KCND3: variants seen among roughly 807,000 people sequenced by gnomAD.
KCND3 encodes the protein potassium voltage-gated channel subfamily D member 3.
A neutral mutation model predicts 51.1 loss-of-function variants in KCND3; 9 were observed. The observed-to-expected ratio is 0.18, with a 90% CI of 0.11 to 0.31. The LOEUF (loss-of-function observed/expected upper bound fraction) is 0.31, where lower values mean the gene tolerates loss of function less well. Ranked by LOEUF, KCND3 falls within the 10% of genes least tolerant of loss-of-function variation. KCND3 has a pLI of 1.00. For synonymous variants in KCND3, 349 were observed against 368.0 expected, an observed-to-expected ratio of 0.95 and a Z score of 0.59; for missense variants, 526 against 903.8, an observed-to-expected ratio of 0.58 and a Z score of 5.36.
intron 2 of KCND3, among the ~76,000 whole-genome samples, chr1:111,861,989 A>G (rs1253778675): frequency 6.6e-6 from 1 of 152,176 alleles, no homozygotes; most frequent in Non-Finnish European, 1.5e-5. Flanking sequence ...CACAAACTGC[A>G]GCTGCCTGCT....
chr1:111,775,818 G>GTCCC lies in KCND3; in HGVS notation c.*258_*259insGGGA. On this transcript the variant is annotated 3_prime_UTR_variant, in exon 8 of 8. Transcript: ENST00000302127. ...AGCCTATATCCCCCGGCCTATCCCCGACCCCCCCACCCTCCCTCCCTTCCT... is the reference window on the plus strand; with the variant it reads ...AGCCTATATCCCCCGGCCTATCCCCGTCCCACCCCCCCACCCTCCCTCCCTTCCT... The GTCCC allele has an allele frequency of 1.0e-5, 1 of 99,730 alleles. No individual in the cohort carries two copies. The highest frequency in any genetic ancestry group is 1.5e-4 in the Admixed American group (1 of 6,794). The allele number at this position is 99,730 out of a possible 1,614,324, so 6.2% of individuals were successfully genotyped here.
chr1:111,855,236 GC>G (rs1448869104), intron 2 of KCND3, among the ~76,000 whole-genome samples: 2 of 152,164 alleles, frequency 1.3e-5, no homozygotes, highest in Non-Finnish European at 2.9e-5. Flanking sequence ...ATCCTGCAGT[GC>G]CCCAGAATGT....
chr1:111,780,816 G>T lies in KCND3; in HGVS notation c.1270-25C>A. On this transcript the variant is annotated intron_variant, in intron 3 of 7. Transcript: ENST00000302127. This position sits in a 1 kb window ranked among gnomAD's most constrained non-coding sequence, Gnocchi z 4.2. ...TCTGTGATTGGCAGAGATAATAAAAGAATGAGGCAGACCATGATACAAAAA... is the reference window on the plus strand; with the variant it reads ...TCTGTGATTGGCAGAGATAATAAAATAATGAGGCAGACCATGATACAAAAA... 6.4e-7 allele frequency: 1 copy of T among 1,574,382 alleles called. No homozygotes were observed. The highest frequency in any genetic ancestry group is 8.7e-7 in the Non-Finnish European group (1 of 1,149,784).
intron 2 of KCND3, among the ~76,000 whole-genome samples, chr1:111,870,776 CCATT>C (rs1221064994): frequency 6.6e-6 from 1 of 152,196 alleles, no homozygotes; most frequent in Non-Finnish European, 1.5e-5. Context: ...ACCTATCCAT[CCATT>C]CAATCTAACA....
intron 2 of KCND3, among the ~76,000 whole-genome samples, chr1:111,860,722 C>G (rs1668301062): frequency 6.6e-6 from 1 of 152,234 alleles, no homozygotes; most frequent in African/African-American, 2.4e-5. Context: ...CTGTTCTGTC[C>G]TTGCCCATGA....
intron 2 of KCND3, among the ~76,000 whole-genome samples, chr1:111,869,536 G>T (rs1334332537): frequency 6.6e-6 from 1 of 152,120 alleles, no homozygotes; most frequent in Non-Finnish European, 1.5e-5. Context: ...ACAGTCACAG[G>T]GTATTCAAAG....
intron 2 of KCND3, among the ~76,000 whole-genome samples, chr1:111,825,224 G>T (rs772145660): frequency 2.6e-5 from 4 of 152,170 alleles, no homozygotes; most frequent in Non-Finnish European, 4.4e-5. Context: ...GGACTAGGCT[G>T]GTGATCACCG....
At chr1:111,969,985 C>A (rs1215369589) in intron 2 of KCND3, among the ~76,000 whole-genome samples, 2 of 151,996 alleles carry the variant, frequency 1.3e-5, no homozygotes, top group East Asian at 1.9e-4. Context: ...CTCTTTTTTT[C>A]ATAGCTTTTA....
intron 2 of KCND3, among the ~76,000 whole-genome samples, chr1:111,889,901 C>T (rs1157456187): frequency 6.6e-6 from 1 of 152,048 alleles, no homozygotes; most frequent in Non-Finnish European, 1.5e-5. Flanking sequence ...CTGAGGATCT[C>T]TGAGATGTGT....
chr1:111,870,432 G>A (rs898665720), intron 2 of KCND3, among the ~76,000 whole-genome samples: 18 of 152,196 alleles, frequency 1.2e-4, no homozygotes, highest in African/African-American at 3.9e-4. Context: ...TGAACTAAGA[G>A]GACAGATGAT....
intron 2 of KCND3, among the ~76,000 whole-genome samples, chr1:111,908,868 A>G (rs1670777088): frequency 6.6e-6 from 1 of 151,734 alleles, no homozygotes; most frequent in Non-Finnish European, 1.5e-5. Flanking sequence ...AGAAAGGAAT[A>G]AATAAAACTA....
At chr1:111,923,220 T>C (rs998385909) in intron 2 of KCND3, among the ~76,000 whole-genome samples, 1 of 152,058 alleles carries the variant, frequency 6.6e-6, no homozygotes, top group Non-Finnish European at 1.5e-5. Flanking sequence ...TGTGGGACAG[T>C]GGAGAGGACA....
At position 111,775,631 on chromosome 1, in the gene KCND3, G is replaced by A. The variant is rs1262842262; in HGVS notation, c.*446C>T. On this transcript the variant is annotated 3_prime_UTR_variant, in exon 8 of 8. Transcript: ENST00000302127. ...ATTATCCATTAAGAGCCTTGAAAAA[G>A]GTGCTTAAATACACAGTGTTATATT... 1.5e-5 allele frequency: 3 copies of A among 205,064 alleles called. No homozygotes were observed. The highest frequency in any genetic ancestry group is 3.0e-5 in the Non-Finnish European group (3 of 99,266). 12.7% of individuals were successfully genotyped at this position (205,064 alleles called of 1,614,324 possible). A position where few individuals can be genotyped will look rare whatever the true frequency, so the allele number is the denominator to read the frequency against.
At chr1:111,867,346 T>C (rs207460388) in intron 2 of KCND3, among the ~76,000 whole-genome samples, 1 of 152,222 alleles carries the variant, frequency 6.6e-6, no homozygotes, top group Non-Finnish European at 1.5e-5. Flanking sequence ...ATAGCCCCTT[T>C]AGAAGCTGAA....
intron 1 of KCND3, among the ~76,000 whole-genome samples, chr1:111,983,110 C>T (rs755236033): frequency 3.9e-5 from 6 of 152,080 alleles, no homozygotes; most frequent in Admixed American, 2.0e-4. Context: ...TCTGGCAAGA[C>T]GTGGGTAATA....
intron 2 of KCND3, among the ~76,000 whole-genome samples, chr1:111,883,240 T>C (rs868830418): frequency 2.6e-5 from 4 of 152,260 alleles, no homozygotes; most frequent in Non-Finnish European, 4.4e-5. Flanking sequence ...GTGACTTCAC[T>C]GAATACTCAT....
chr1:111,938,813 C>T (rs1672344123), intron 2 of KCND3, among the ~76,000 whole-genome samples: 1 of 152,174 alleles, frequency 6.6e-6, no homozygotes, highest in Admixed American at 6.5e-5. Context: ...GTGCCAGCCA[C>T]AGCAAGGACT....
rs144739605 is a variant in KCND3, at chr1:111,930,071, A to C, written c.1106+51550T>G. 3.4e-3 allele frequency among the ~76,000 whole-genome samples: 524 copies of C among 152,358 alleles called. 4 individuals carry two copies. The highest frequency in any genetic ancestry group is 0.012 in the African/African-American group (490 of 41,582). On this transcript the variant is annotated intron_variant, in intron 2 of 7. Transcript: ENST00000302127. ...TAATCATATTTTGGGTTAGGAGAAG[A>C]AGCTAATTAGGTAGGCAGATTTAGA...
chr1:111,813,070 C>A (rs1665929287), intron 2 of KCND3, among the ~76,000 whole-genome samples: 1 of 152,156 alleles, frequency 6.6e-6, no homozygotes, highest in Non-Finnish European at 1.5e-5. Context: ...CCAACTATAG[C>A]CCCTATCTCC....
Sources: gnomAD v4.1 joint callset for allele counts (sites outside exome capture counted in the v4.1 genomes callset) on GRCh38, gnomAD v4.1.1 for gene constraint, Gnocchi (gnomAD v3.1) non-coding constraint, MANE v1.5 for transcripts, NCBI Gene and HGNC (gene_info 2026-07-23, HGNC 2026-07-21) for gene names.